The following GALNT2 variants were observed in gnomAD, a reference collection of about 807,000 sequenced individuals.
GALNT2 encodes UDP-GalNAc:polypeptide N-acetylgalactosaminyltransferase 2.
A neutral mutation model predicts 81.4 loss-of-function variants in GALNT2; 31 were observed. The observed-to-expected ratio is 0.38, with a 90% confidence interval of 0.29 to 0.51. The LOEUF is 0.51. GALNT2 is among the 20% of genes least tolerant of loss of function. GALNT2 has a pLI of 0.87. For missense variants in GALNT2, 629 were observed against 765.7 expected, an observed-to-expected ratio of 0.82 and a Z score of 2.11; for synonymous variants, 303 against 287.4, an observed-to-expected ratio of 1.05 and a Z score of -0.55.
chr1:230,094,395 G>A (rs959920650), intron 1 of GALNT2, among the ~76,000 whole-genome samples: 7 of 151,940 alleles, frequency 4.6e-5, no homozygotes, highest in South Asian at 2.1e-4. Flanking sequence ...AGGTCGAGGC[G>A]GGTGGGAGGC....
At chr1:230,203,335 C>T (rs776404772) in intron 3 of GALNT2, 45 bp downstream of exon 3, 2 of 1,602,238 alleles carry the variant, frequency 1.2e-6, no homozygotes, top group Non-Finnish European at 1.7e-6. Flanking sequence ...TTTGCTTTCA[C>T]ACAAACCAGT....
chr1:230,236,552 T>C, intron 5 of GALNT2, 108 bp from the exon 6 acceptor site: 1 of 1,406,892 alleles, frequency 7.1e-7, no homozygotes, highest in South Asian at 1.2e-5. Flanking sequence ...GCCTCTGTGA[T>C]GCCCCAAGGA....
At chr1:230,251,400 TAAAAG>T (rs1262750562) in intron 10 of GALNT2, among the ~76,000 whole-genome samples, 3 of 152,160 alleles carry the variant, frequency 2.0e-5, no homozygotes, top group African/African-American at 4.8e-5. Flanking sequence ...TTTGTTACTT[TAAAAG>T]AAAAGACTAG....
intron 14 of GALNT2, among the ~76,000 whole-genome samples, chr1:230,267,399 G>A (rs1019125648): frequency 1.3e-5 from 2 of 152,226 alleles, no homozygotes; most frequent in African/African-American, 4.8e-5. Flanking sequence ...TGCGCCTCCT[G>A]TTATTCCGGC....
chr1:230,205,276 T>C (rs1664025821), intron 3 of GALNT2, among the ~76,000 whole-genome samples: 1 of 152,236 alleles, frequency 6.6e-6, no homozygotes, highest in South Asian at 2.1e-4. Flanking sequence ...AACAGCTTTC[T>C]TTGGGTTCTA....
rs190091354 is a variant in GALNT2 at position 230,078,968 on chromosome 1, C to G, written c.126+11562C>G. On this transcript the variant is annotated intron_variant, in intron 1 of 15. Coordinates refer to ENST00000366672, the MANE Select transcript of GALNT2 (RefSeq NM_004481.5). ...GGACAACAGGCATGAGCCACTGCGTCCAGCCAGATGTTTTATTATCTTGAC... is the reference window on the plus strand; with the variant it reads ...GGACAACAGGCATGAGCCACTGCGTGCAGCCAGATGTTTTATTATCTTGAC... 1.8e-3 allele frequency among the ~76,000 whole-genome samples: 277 copies of G among 152,290 alleles called. 2 individuals are homozygous for G. The highest frequency in any genetic ancestry group is 6.2e-3 in the African/African-American group (257 of 41,546).
chr1:230,086,099 A>G (rs1349681964), intron 1 of GALNT2, among the ~76,000 whole-genome samples: 1 of 152,238 alleles, frequency 6.6e-6, no homozygotes, highest in African/African-American at 2.4e-5. Context: ...AATTCACAGA[A>G]CAAATGACAA....
At chr1:230,235,978 G>T (rs766481621) in intron 3 of GALNT2, 36 bp from the exon 4 acceptor site, 5 of 1,598,542 alleles carry the variant, frequency 3.1e-6, no homozygotes, top group Middle Eastern at 3.3e-4. Flanking sequence ...TGCTCTGGGG[G>T]TCATTGTTCA....
intron 3 of GALNT2, among the ~76,000 whole-genome samples, chr1:230,223,843 A>G (rs1318784213): frequency 6.6e-6 from 1 of 152,216 alleles, no homozygotes; most frequent in Non-Finnish European, 1.5e-5. Context: ...GTGTCCTAAA[A>G]TGTCACCCTC....
intron 2 of GALNT2, among the ~76,000 whole-genome samples, chr1:230,200,527 T>C (rs1030904505): frequency 6.6e-6 from 1 of 152,206 alleles, no homozygotes; most frequent in Non-Finnish European, 1.5e-5. Flanking sequence ...TGAGCTGCCC[T>C]GTGAATGACT....
intron 3 of GALNT2, among the ~76,000 whole-genome samples, chr1:230,224,343 G>T (rs1028728602): frequency 2.0e-5 from 3 of 152,212 alleles, no homozygotes; most frequent in African/African-American, 7.2e-5. Context: ...TAATAATTTA[G>T]TCTCTCTGAA....
chr1:230,250,433 C>T, intron 9 of GALNT2, 24 bp from the exon 10 acceptor site: 2 of 1,585,218 alleles, frequency 1.3e-6, no homozygotes, highest in South Asian at 1.1e-5. Flanking sequence ...TCCTCCCTCC[C>T]CCCTCTTCTT....
chr1:230,175,386 C>G (rs746991165), intron 1 of GALNT2, among the ~76,000 whole-genome samples: 3 of 152,140 alleles, frequency 2.0e-5, no homozygotes, highest in Admixed American at 2.0e-4. Context: ...CATACGAACA[C>G]TAAATGTTCA....
chr1:230,262,063 A>G (rs141247911), intron 11 of GALNT2: 2 of 152,420 alleles, frequency 1.3e-5, no homozygotes, highest in South Asian at 2.1e-4. Flanking sequence ...CCCCGCAGAA[A>G]AGAAAGTGAT....
chr1:230,113,169 C>T (rs1660752084), intron 1 of GALNT2, among the ~76,000 whole-genome samples: 1 of 152,154 alleles, frequency 6.6e-6, no homozygotes, highest in South Asian at 2.1e-4. Flanking sequence ...GCGCTGGGCA[C>T]ATCGGATCTG....
At chr1:230,164,100 G>C (rs189094318) in intron 1 of GALNT2, among the ~76,000 whole-genome samples, 80 of 152,288 alleles carry the variant, frequency 5.3e-4, no homozygotes, top group African/African-American at 1.8e-3. Flanking sequence ...ATACTGTGAA[G>C]AACACATACG....
chr1:230,175,268 G>A (rs1662932576), intron 1 of GALNT2, among the ~76,000 whole-genome samples: 1 of 152,144 alleles, frequency 6.6e-6, no homozygotes, highest in Non-Finnish European at 1.5e-5. Context: ...TTGAACTTTG[G>A]CTATTTAGTT....
intron 1 of GALNT2, among the ~76,000 whole-genome samples, chr1:230,069,266 T>TTTTGTTTTGTTTTG (rs112582134): frequency 0.027 from 4,015 of 148,808 alleles, 187 homozygotes; most frequent in African/African-American, 0.098. Context: ...AGTTTGTTTT[T>TTTTGTTTTGTTTTG]TTTTGTTTTG....
At position 230,126,475 on chromosome 1, in the gene GALNT2, T is replaced by C. The variant is rs144519715; in HGVS notation, c.127-51743T>C. On this transcript the variant is annotated intron_variant, in intron 1 of 15. Coordinates refer to ENST00000366672, the MANE Select transcript of GALNT2 (RefSeq NM_004481.5). ...ACCTTTGTCTTATATCATAAGGGGG[T>C]TGCAGTTGAGGACTAACGGATGCCG... Among the ~76,000 whole-genome samples the C allele has an allele frequency of 4.9e-3, 747 of 151,816 alleles. 10 individuals carry two copies. The highest frequency in any genetic ancestry group is 0.017 in the African/African-American group (696 of 41,390).
Sources: gnomAD v4.1 joint callset for allele counts (sites outside exome capture counted in the v4.1 genomes callset) on GRCh38, gnomAD v4.1.1 for gene constraint, MANE v1.5 for transcripts, NCBI Gene and HGNC (gene_info 2026-07-23, HGNC 2026-07-21) for gene names.